The following TFAP2D variants were observed in gnomAD, a reference collection of about 807,000 sequenced individuals.
TFAP2D encodes transcription factor AP-2 delta, also known as transcription factor AP-2-delta.
Under a neutral mutation model 43.6 loss-of-function variants are expected in TFAP2D, and 9 were observed. That is an observed-to-expected ratio of 0.21 (90% CI 0.12 to 0.36). The LOEUF (loss-of-function observed/expected upper bound fraction) is 0.36. Ranked by LOEUF, TFAP2D falls within the 10% of genes least tolerant of loss-of-function variation. The pLI is 1.00. For missense variants in TFAP2D, 513 were observed against 561.4 expected, an observed-to-expected ratio of 0.91 and a Z score of 0.87; for synonymous variants, 256 against 224.9, an observed-to-expected ratio of 1.14 and a Z score of -1.24.
chr6:50,760,059 G>A (rs1209105547), intron 7 of TFAP2D, among the ~76,000 whole-genome samples: 2 of 152,140 alleles, frequency 1.3e-5, no homozygotes, highest in East Asian at 1.9e-4. Flanking sequence ...CTATCTTGAA[G>A]TATGACAATG....
At chr6:50,721,857 GAAAAA>G in intron 3 of TFAP2D, among the ~76,000 whole-genome samples, 1 of 152,210 alleles carries the variant, frequency 6.6e-6, no homozygotes, top group African/African-American at 2.4e-5. Context: ...CTATGGGAGG[GAAAAA>G]AATAGATTCC....
At chr6:50,718,763 T>C (rs1430002746) in intron 2 of TFAP2D, among the ~76,000 whole-genome samples, 1 of 152,228 alleles carries the variant, frequency 6.6e-6, no homozygotes, top group Non-Finnish European at 1.5e-5. Flanking sequence ...GTACACTGTC[T>C]GTATATACGC....
At chr6:50,753,915 T>C (rs996899098) in intron 7 of TFAP2D, among the ~76,000 whole-genome samples, 2 of 151,954 alleles carry the variant, frequency 1.3e-5, no homozygotes, top group Non-Finnish European at 2.9e-5. Flanking sequence ...AGTAGGATGA[T>C]ACAAATCGCA....
chr6:50,746,331 AG>A (rs1321285609), intron 6 of TFAP2D, among the ~76,000 whole-genome samples: 2 of 151,864 alleles, frequency 1.3e-5, no homozygotes, highest in African/African-American at 4.8e-5. Flanking sequence ...CACCCTCCCC[AG>A]GTTCATGTGA....
At chr6:50,733,859 A>G (rs1768926878) in intron 5 of TFAP2D, among the ~76,000 whole-genome samples, 1 of 152,086 alleles carries the variant, frequency 6.6e-6, no homozygotes, top group South Asian at 2.1e-4. Context: ...AAGCTTGTGT[A>G]ACCTTCTCAG....
At chr6:50,743,189 C>T (rs1346813948) in intron 5 of TFAP2D, among the ~76,000 whole-genome samples, 2 of 152,018 alleles carry the variant, frequency 1.3e-5, no homozygotes, top group Admixed American at 1.3e-4. Flanking sequence ...TAAAGACGTG[C>T]CATTGCTCAT....
chr6:50,736,172 G>C (rs79655462), intron 5 of TFAP2D, among the ~76,000 whole-genome samples: 1,999 of 152,216 alleles, frequency 0.013, 44 homozygotes, highest in African/African-American at 0.045. Context: ...TGGGAGAAAG[G>C]TTTTCAGCTT....
intron 6 of TFAP2D, among the ~76,000 whole-genome samples, chr6:50,746,744 A>G (rs552786615): frequency 1.3e-5 from 2 of 152,338 alleles, no homozygotes; most frequent in Admixed American, 1.3e-4. Flanking sequence ...TTTAAGGAGT[A>G]TATGGGATAC....
chr6:50,757,589 CTA>C (rs1466315393), intron 7 of TFAP2D, among the ~76,000 whole-genome samples: 2 of 61,138 alleles, frequency 3.3e-5, no homozygotes, highest in African/African-American at 6.3e-5. Flanking sequence ...TATAATTATT[CTA>C]TATATATAGA....
At chr6:50,769,940 C>T (rs546874878) in intron 7 of TFAP2D, among the ~76,000 whole-genome samples, 5 of 152,266 alleles carry the variant, frequency 3.3e-5, no homozygotes, top group African/African-American at 1.2e-4. Context: ...TAGATATTAA[C>T]TTCAATAATA....
At chr6:50,755,026 C>A (rs1244446983) in intron 7 of TFAP2D, among the ~76,000 whole-genome samples, 1 of 151,904 alleles carries the variant, frequency 6.6e-6, no homozygotes, top group African/African-American at 2.4e-5. Context: ...TCCAGGAAAT[C>A]TTTGTTAAAT....
chr6:50,756,790 T>A (rs1027144785), intron 7 of TFAP2D, among the ~76,000 whole-genome samples: 5 of 151,964 alleles, frequency 3.3e-5, no homozygotes, highest in African/African-American at 1.2e-4. Flanking sequence ...GAAGACCCCA[T>A]AGACTCACAG....
chr6:50,737,878 C>T (rs1768985240), intron 5 of TFAP2D, among the ~76,000 whole-genome samples: 1 of 152,092 alleles, frequency 6.6e-6, no homozygotes. Context: ...GAACCTCAAA[C>T]TTATATAAAT....
At chr6:50,766,789 C>T (rs1769450729) in intron 7 of TFAP2D, among the ~76,000 whole-genome samples, 1 of 150,778 alleles carries the variant, frequency 6.6e-6, no homozygotes, top group African/African-American at 2.4e-5. Flanking sequence ...CTGCCTCAGC[C>T]TCCCGAGTAG....
intron 7 of TFAP2D, among the ~76,000 whole-genome samples, chr6:50,761,678 A>G (rs917508505): frequency 6.6e-5 from 10 of 152,098 alleles, no homozygotes; most frequent in African/African-American, 2.4e-4. Context: ...TAGACAAATC[A>G]ATTAAAGTAA....
intron 6 of TFAP2D, among the ~76,000 whole-genome samples, chr6:50,749,747 G>GA (rs1273150158): frequency 1.3e-5 from 2 of 151,804 alleles, no homozygotes; most frequent in Non-Finnish European, 2.9e-5. Context: ...TCTCACAACA[G>GA]AAAATGTGAG....
In TFAP2D at chr6:50,745,198, T is replaced by C. The variant is rs1297428981; in HGVS notation, c.975T>C (p.His325=). Residue 325 remains histidine (H), a synonymous_variant, in exon 6 of 8, where the codon CAT becomes CAC. Coordinates refer to ENST00000008391, the MANE Select transcript of TFAP2D (RefSeq NM_172238.4). The part of the protein sequence containing the change: ...KAVGEHLARQ[H]MEQKEQTARK... Reference sequence around the variant, plus strand: ...TAGGAGAACATCTTGCCAGACAACATATGGAACAGAAAGAACAGACAGCAA... The same window carrying C: ...TAGGAGAACATCTTGCCAGACAACACATGGAACAGAAAGAACAGACAGCAA... 4.3e-6 allele frequency: 7 copies of C among 1,613,514 alleles called. No homozygotes were observed. The highest frequency in any genetic ancestry group is 1.1e-5 in the South Asian group (1 of 91,060).
chr6:50,722,370 G>A (rs1768740640), intron 3 of TFAP2D, among the ~76,000 whole-genome samples: 1 of 152,150 alleles, frequency 6.6e-6, no homozygotes, highest in African/African-American at 2.4e-5. Flanking sequence ...TCATATTAAT[G>A]TTGTACGTAC....
chr6:50,719,316 C>T (rs1768677952), intron 3 of TFAP2D, among the ~76,000 whole-genome samples, 166 bp downstream of exon 3: 1 of 152,116 alleles, frequency 6.6e-6, no homozygotes, highest in Admixed American at 6.5e-5. Flanking sequence ...TAAAAAGCCT[C>T]CTTTCTTTCA....
Sources: gnomAD v4.1 joint callset for allele counts (sites outside exome capture counted in the v4.1 genomes callset) on GRCh38, gnomAD v4.1.1 for gene constraint, MANE v1.5 for transcripts, NCBI Gene and HGNC (gene_info 2026-07-23, HGNC 2026-07-21) for gene names.